The following CFAP44 variants were observed in gnomAD, a reference collection of about 807,000 sequenced individuals.
The protein encoded by CFAP44 is cilia and flagella associated protein 44.
A neutral mutation model predicts 216.2 loss-of-function variants in CFAP44; 134 were observed. The observed-to-expected ratio is 0.62, with a 90% CI of 0.54 to 0.72. The LOEUF (loss-of-function observed/expected upper bound fraction) is 0.72, where lower values mean the gene tolerates loss of function less well. CFAP44 is among the 30% of genes least tolerant of loss of function. CFAP44 has a pLI of 0.00. For synonymous variants in CFAP44, 700 were observed against 727.6 expected, an observed-to-expected ratio of 0.96 and a Z score of 0.61; for missense variants, 2,035 against 2,182.1, an observed-to-expected ratio of 0.93 and a Z score of 1.34.
chr3:113,400,498 A>G, intron 12 of CFAP44, 47 bp downstream of exon 12: 1 of 1,468,256 alleles, frequency 6.8e-7, no homozygotes, highest in Non-Finnish European at 9.1e-7. Flanking sequence ...TATTGCAAAT[A>G]AAACAAAACA....
chr3:113,384,309 T>C (rs1275397286), intron 15 of CFAP44, among the ~76,000 whole-genome samples: 6 of 152,152 alleles, frequency 3.9e-5, no homozygotes, highest in African/African-American at 9.6e-5. Flanking sequence ...TCCACCCACC[T>C]TGACCTCCCA....
intron 1 of CFAP44, among the ~76,000 whole-genome samples, chr3:113,440,175 T>A (rs1935328218): frequency 6.6e-6 from 1 of 152,150 alleles, no homozygotes; most frequent in Admixed American, 6.5e-5. Context: ...GCGATTCTCG[T>A]GCCTCAGCCT....
intron 32 of CFAP44, among the ~76,000 whole-genome samples, chr3:113,299,006 T>G (rs1264608399): frequency 1.3e-5 from 2 of 152,220 alleles, no homozygotes; most frequent in Non-Finnish European, 2.9e-5. Flanking sequence ...TACATTTTAC[T>G]GCAATTTAAA....
chr3:113,385,126 C>T (rs565222620), intron 15 of CFAP44, among the ~76,000 whole-genome samples: 9 of 152,260 alleles, frequency 5.9e-5, no homozygotes, highest in East Asian at 3.9e-4. Context: ...TCTTGCCTGC[C>T]GCCATGTAAG....
At chr3:113,312,707 TG>T (rs1158782573) in intron 28 of CFAP44, among the ~76,000 whole-genome samples, 1 of 152,110 alleles carries the variant, frequency 6.6e-6, no homozygotes, top group Non-Finnish European at 1.5e-5. Flanking sequence ...CTTGGTGCCC[TG>T]AATCCCAGTC....
At chr3:113,401,334 C>T (rs751672278) in intron 10 of CFAP44, 47 bp from the exon 11 acceptor site, 8 of 1,508,450 alleles carry the variant, frequency 5.3e-6, no homozygotes, top group East Asian at 4.7e-5. Flanking sequence ...AAACTTTCAT[C>T]AGATTTTTTA....
chr3:113,343,795 T>C (rs1950356858), intron 23 of CFAP44, among the ~76,000 whole-genome samples: 1 of 152,166 alleles, frequency 6.6e-6, no homozygotes, highest in South Asian at 2.1e-4. Flanking sequence ...TCAGAATTTA[T>C]CCTAGAAGCA....
intron 22 of CFAP44, among the ~76,000 whole-genome samples, chr3:113,355,378 G>A (rs555175694): frequency 6.6e-5 from 10 of 152,148 alleles, no homozygotes; most frequent in South Asian, 4.2e-4. Context: ...AAAATTCGCC[G>A]GGCATGGTGG....
At position 113,326,486 on chromosome 3, in the gene CFAP44, T is replaced by A; in HGVS notation, c.4475A>T (p.Lys1492Met). 1 of 1,521,360 alleles carries A rather than the reference T, an allele frequency of 6.6e-7. No individual in the cohort carries two copies. The allele number at this position is 1,521,360 out of a possible 1,614,324, so 94.2% of individuals were successfully genotyped here. The change falls in exon 28 of 35, where the codon AAG (lysine) becomes ATG (methionine). Residue 1492 changes from lysine (K) to methionine (M), a missense_variant. By Grantham distance (95) the Lys-to-Met change is moderately conservative (BLOSUM62 -1). This residue lies in a region of CFAP44 where 1,883 missense variants were observed against 2,023.7 expected (regional missense o/e 0.93). Transcript: ENST00000393845. ...ANFLMKVLKK[K>M]IKRVKKKEVE... ...TTCTTTTTTCTTTACCCGTTTAATC[T>A]TCTTCTTTAGGACCTTCATGAGGAA...
chr3:113,296,334 A>G (rs1559902949), intron 33 of CFAP44, among the ~76,000 whole-genome samples: 1 of 151,988 alleles, frequency 6.6e-6, no homozygotes, highest in African/African-American at 2.4e-5. Context: ...ATGATATTTC[A>G]TTTTCTCATT....
chr3:113,316,855 C>T (rs1326564330), intron 28 of CFAP44, among the ~76,000 whole-genome samples: 44 of 141,426 alleles, frequency 3.1e-4, no homozygotes, highest in Admixed American at 2.4e-3. Flanking sequence ...GGCAACAGAG[C>T]GAGACTCCAT....
At chr3:113,359,831 G>T (rs1463826175) in intron 21 of CFAP44, among the ~76,000 whole-genome samples, 1 of 151,590 alleles carries the variant, frequency 6.6e-6, no homozygotes, top group Non-Finnish European at 1.5e-5. Context: ...AGTCACAAAA[G>T]AAAAAAAGGT....
chr3:113,355,874 T>G (rs894731126), intron 22 of CFAP44, among the ~76,000 whole-genome samples: 3 of 151,528 alleles, frequency 2.0e-5, no homozygotes, highest in African/African-American at 7.3e-5. Flanking sequence ...GCAAAAAGCA[T>G]AAAAATGTAA....
intron 24 of CFAP44, among the ~76,000 whole-genome samples, chr3:113,335,367 A>T (rs1262733663): frequency 1.3e-5 from 2 of 152,206 alleles, no homozygotes; most frequent in Non-Finnish European, 2.9e-5. Context: ...GACTGAAGAG[A>T]CAGAGATCAG....
At chr3:113,389,546 GAAAAC>G (rs1216255519) in intron 15 of CFAP44, among the ~76,000 whole-genome samples, 2 of 151,200 alleles carry the variant, frequency 1.3e-5, no homozygotes. Flanking sequence ...GAAATTGAAA[GAAAAC>G]AAAAGATCAA....
At chr3:113,416,380 T>G (rs963010885) in intron 6 of CFAP44, 145 bp downstream of exon 6, 1 of 659,904 alleles carries the variant, frequency 1.5e-6, no homozygotes, top group Non-Finnish European at 2.6e-6. Flanking sequence ...TTAGTATTGT[T>G]GTGTGTGAAT....
In CFAP44 at chr3:113,362,913, A is replaced by C. The variant is rs945572934; in HGVS notation, c.2934+232T>G. The C allele has an allele frequency of 7.1e-6, 9 of 1,268,710 alleles. No individual in the cohort carries two copies. The African/African-American group carries it at 1.4e-4, about 20-fold the overall frequency. 78.6% of individuals were successfully genotyped at this position (1,268,710 alleles called of 1,614,324 possible). ...CCCATGTATTCCTTTCATGTGTTCTATAACAACAGTTGATGTAAAACAATT... is the reference window on the plus strand; with the variant it reads ...CCCATGTATTCCTTTCATGTGTTCTCTAACAACAGTTGATGTAAAACAATT... On this transcript the variant is annotated intron_variant, in intron 21 of 34. Coordinates refer to ENST00000393845, the MANE Select transcript of CFAP44 (RefSeq NM_001164496.2).
intron 4 of CFAP44, among the ~76,000 whole-genome samples, chr3:113,425,619 G>T (rs1417467893): frequency 6.6e-6 from 1 of 152,212 alleles, no homozygotes; most frequent in African/African-American, 2.4e-5. Flanking sequence ...AAGGGAAATT[G>T]ATTATGTAAC....
chr3:113,288,271 T>C lies in CFAP44; in HGVS notation c.*3286A>G, dbSNP rs561156409. 6.6e-6 allele frequency: 1 copy of C among 152,170 alleles called. No individual in the cohort carries two copies. The highest frequency in any genetic ancestry group is 1.5e-5 in the Non-Finnish European group (1 of 68,042). 9.4% of individuals were successfully genotyped at this position (152,170 alleles called of 1,614,324 possible). ...CATCCTCTGCTGGCCAAAATAAGTA[T>C]AGCACCTGCTATTCCTGACTTCTGC... is the stretch of plus-strand genomic sequence containing the variant. On this transcript the variant is annotated 3_prime_UTR_variant, in exon 35 of 35. Transcript: ENST00000393845.
Sources: allele counts gnomAD v4.1 joint callset (sites outside exome capture counted in the v4.1 genomes callset), GRCh38; gene constraint gnomAD v4.1.1; regional missense constraint gnomAD v4.1.1; transcripts MANE v1.5; gene names NCBI Gene and HGNC (gene_info 2026-07-23, HGNC 2026-07-21).